Variants in TANC2 observed in about 807,000 individuals in gnomAD.
TANC2 encodes protein TANC2.
A neutral mutation model predicts 210.5 loss-of-function variants in TANC2; 26 were observed. The ratio of observed to expected loss-of-function variants is 0.12; its 90% CI spans 0.09 to 0.17. The LOEUF (loss-of-function observed/expected upper bound fraction) is 0.17. Among genes scored for constraint, TANC2 ranks in the 10% least tolerant of loss-of-function variants. The pLI, the probability that TANC2 is intolerant of heterozygous loss-of-function variation, is 1.00. For synonymous variants in TANC2, 931 were observed against 967.1 expected, an observed-to-expected ratio of 0.96 and a Z score of 0.69; for missense variants, 2,129 against 2,608.9, an observed-to-expected ratio of 0.82 and a Z score of 4.01.
intron 2 of TANC2, among the ~76,000 whole-genome samples, chr17:63,025,943 C>T (rs527825640): frequency 5.3e-5 from 8 of 152,122 alleles, no homozygotes; most frequent in East Asian, 3.9e-4. Context: ...CCTTTGACTT[C>T]GTATCCTGTA....
intron 2 of TANC2, among the ~76,000 whole-genome samples, chr17:63,037,260 G>A (rs1204682194): frequency 6.6e-6 from 1 of 152,092 alleles, no homozygotes; most frequent in African/African-American, 2.4e-5. Flanking sequence ...GGCAGGTACA[G>A]TATACAGCAG....
chr17:63,138,966 C>T (rs1237368865), intron 4 of TANC2, among the ~76,000 whole-genome samples: 1 of 152,188 alleles, frequency 6.6e-6, no homozygotes, highest in Non-Finnish European at 1.5e-5. Flanking sequence ...CACTTTTGAC[C>T]TCTGACTATG....
intron 2 of TANC2, among the ~76,000 whole-genome samples, chr17:63,029,290 A>G (rs895893769): frequency 2.0e-5 from 3 of 152,112 alleles, no homozygotes; most frequent in Non-Finnish European, 4.4e-5. Context: ...CTTGGTAAAT[A>G]ATATTTATAA....
intron 7 of TANC2, among the ~76,000 whole-genome samples, chr17:63,209,261 C>T (rs2041813890): frequency 6.6e-6 from 1 of 152,086 alleles, no homozygotes; most frequent in Non-Finnish European, 1.5e-5. Context: ...AGTCCGCCCG[C>T]CTCAGCCTCC....
intron 9 of TANC2, among the ~76,000 whole-genome samples, chr17:63,292,232 A>G (rs2044404018): frequency 1.3e-5 from 2 of 152,122 alleles, no homozygotes; most frequent in African/African-American, 2.4e-5. Flanking sequence ...ATAAGAAAAA[A>G]ACAATAAAAT....
intron 4 of TANC2, among the ~76,000 whole-genome samples, chr17:63,106,982 A>T (rs530617441): frequency 6.6e-6 from 1 of 151,552 alleles, no homozygotes; most frequent in Admixed American, 6.6e-5. Flanking sequence ...TTCAGCCACC[A>T]CTAGGGAAAG....
At chr17:63,348,820 C>G (rs2046500022) in intron 12 of TANC2, among the ~76,000 whole-genome samples, 1 of 152,052 alleles carries the variant, frequency 6.6e-6, no homozygotes, top group African/African-American at 2.4e-5. Flanking sequence ...CTGAAGCATT[C>G]TTGTAGGCTG....
At chr17:63,285,658 A>G (rs2044198013) in intron 9 of TANC2, among the ~76,000 whole-genome samples, 4 of 152,092 alleles carry the variant, frequency 2.6e-5, no homozygotes, top group Non-Finnish European at 5.9e-5. Context: ...GCTTCCAAGT[A>G]CCCTCCCCAG....
chr17:62,970,412 C>G (rs1418514576), intron 1 of TANC2, among the ~76,000 whole-genome samples: 1 of 152,178 alleles, frequency 6.6e-6, no homozygotes, highest in Non-Finnish European at 1.5e-5. Context: ...TAGGATTTTA[C>G]TAACATTGTT....
intron 1 of TANC2, among the ~76,000 whole-genome samples, chr17:63,000,189 A>G (rs1207995217): frequency 1.3e-5 from 2 of 152,168 alleles, no homozygotes; most frequent in Admixed American, 1.3e-4. Context: ...GCATTTTACC[A>G]AGAAAACAAA....
At chr17:63,262,265 A>C (rs2043383510) in intron 8 of TANC2, among the ~76,000 whole-genome samples, 1 of 152,106 alleles carries the variant, frequency 6.6e-6, no homozygotes, top group African/African-American at 2.4e-5. Context: ...CTGCAGCCTC[A>C]AACTCCTGGG....
At chr17:62,999,710 G>A (rs543016913) in intron 1 of TANC2, among the ~76,000 whole-genome samples, 34 of 151,926 alleles carry the variant, frequency 2.2e-4, no homozygotes, top group Non-Finnish European at 4.0e-4. Flanking sequence ...ACTGTGGCCC[G>A]GGAAAGCCAA....
chr17:63,218,596 A>G (rs1010841224), intron 7 of TANC2, among the ~76,000 whole-genome samples: 2 of 152,102 alleles, frequency 1.3e-5, no homozygotes, highest in Non-Finnish European at 2.9e-5. Flanking sequence ...AAAAATAACT[A>G]TTAGAAACTA....
At chr17:62,987,149 C>T (rs977075294) in intron 1 of TANC2, among the ~76,000 whole-genome samples, 1 of 152,172 alleles carries the variant, frequency 6.6e-6, no homozygotes, top group Non-Finnish European at 1.5e-5. Context: ...GGTAGGACTG[C>T]CAGACTGTTC....
At chr17:63,294,505 C>A (rs1332697027) in intron 9 of TANC2, among the ~76,000 whole-genome samples, 1 of 151,986 alleles carries the variant, frequency 6.6e-6, no homozygotes, top group Non-Finnish European at 1.5e-5. Context: ...AAACTGCCTT[C>A]CCAAGTTTAT....
intron 5 of TANC2, among the ~76,000 whole-genome samples, chr17:63,162,102 G>A (rs1190805992): frequency 6.6e-6 from 1 of 151,982 alleles, no homozygotes; most frequent in Non-Finnish European, 1.5e-5. Flanking sequence ...GCCGGGAGTT[G>A]GAGACCAGTG....
At chr17:63,245,350 ATAAT>A (rs1249246360) in intron 8 of TANC2, among the ~76,000 whole-genome samples, 2 of 152,360 alleles carry the variant, frequency 1.3e-5, no homozygotes, top group African/African-American at 2.4e-5. Flanking sequence ...ATGTATAAAA[ATAAT>A]TAAGCTATAC....
intron 8 of TANC2, among the ~76,000 whole-genome samples, chr17:63,240,332 G>GA (rs1382087562): frequency 6.6e-6 from 1 of 152,150 alleles, no homozygotes; most frequent in Non-Finnish European, 1.5e-5. Flanking sequence ...TAGTCAGTCT[G>GA]AATGAACAAT....
Position 63,418,276 on chromosome 17 carries a change from T to G in TANC2, c.4168-31T>G. 1.3e-6 allele frequency: 2 copies of G among 1,583,350 alleles called. No individual in the cohort carries two copies. Among genetic ancestry groups the G allele is most frequent in the Non-Finnish European group, 1.7e-6 (2 of 1,157,270 alleles). On this transcript the variant is annotated intron_variant, in intron 26 of 27. Coordinates refer to ENST00000689528, the Ensembl canonical transcript of TANC2. This position sits in a 1 kb window ranked among gnomAD's most constrained non-coding sequence, Gnocchi z 4.6. ...TTGTCTATTTTTTATATCTCATCAA[T>G]GACTCATTTGCACACCTATTGTAAT...
Sources: gnomAD v4.1 joint callset for allele counts (sites outside exome capture counted in the v4.1 genomes callset) on GRCh38, gnomAD v4.1.1 for gene constraint, Gnocchi (gnomAD v3.1) non-coding constraint, MANE v1.5 for transcripts, NCBI Gene and HGNC (gene_info 2026-07-23, HGNC 2026-07-21) for gene names.